Variants in SLC6A3 observed in about 807,000 individuals in gnomAD.
SLC6A3 encodes the protein sodium-dependent dopamine transporter.
A neutral mutation model predicts 70.4 loss-of-function variants in SLC6A3; 19 were observed. The observed-to-expected ratio is 0.27, with a 90% CI of 0.19 to 0.40. SLC6A3 has a LOEUF of 0.40. Among genes scored for constraint, SLC6A3 ranks in the 10% least tolerant of loss-of-function variants. The probability of loss-of-function intolerance (pLI) is 1.00; values close to 1 mark genes in which losing one functional copy is unlikely to be tolerated. For missense variants in SLC6A3, 613 were observed against 838.5 expected (o/e 0.73, Z 3.32); for synonymous variants, 368 against 356.6 (o/e 1.03, Z -0.36).
Position 1,422,000 on chromosome 5 carries a change from T to C in SLC6A3, c.668A>G (p.His223Arg). Residue 223 changes from histidine to arginine, a missense_variant, in exon 5 of 15, where the codon CAC becomes CGC. His to Arg is a conservative substitution (Grantham distance 29, BLOSUM62 0). Transcript: ENST00000270349. The surrounding 1 kb of genome is among the most constrained non-coding windows in gnomAD (Gnocchi z 7.2). ...GTCGATGCCATGGCTCTGGTGGAGG[T>C]GCAGCACGCCACGTCTGCAGAGGGG... ...AAEYFERGVL[H>R]LHQSHGIDDL... The C allele has an allele frequency of 6.2e-7, 1 of 1,612,152 alleles. No individual in the cohort carries two copies. The highest frequency in any genetic ancestry group is 1.1e-5 in the South Asian group (1 of 91,052).
chr5:1,414,923 T>G lies in SLC6A3; in HGVS notation c.1032-108A>C, dbSNP rs1756246820. ...TGTCTGGGGAAGGGGGCGGGAGGTC[T>G]TCGGAGGGGCTACTTTTCCCAGTGA... is the stretch of plus-strand genomic sequence containing the variant. On this transcript the variant is annotated intron_variant, in intron 7 of 14. Transcript: ENST00000270349. The G allele has an allele frequency of 7.0e-6, 10 of 1,422,644 alleles. No homozygotes were observed. The South Asian group carries it at 9.4e-5, about 13-fold the overall frequency. 88.1% of individuals were successfully genotyped at this position (1,422,644 alleles called of 1,614,324 possible). A position where few individuals can be genotyped will look rare whatever the true frequency, so the allele number is the denominator to read the frequency against.
chr5:1,431,998 G>T (rs995004649), intron 4 of SLC6A3, among the ~76,000 whole-genome samples: 3 of 152,224 alleles, frequency 2.0e-5, no homozygotes, highest in African/African-American at 7.2e-5. Flanking sequence ...CACCCAGAAA[G>T]TTATCTTTTC....
intron 4 of SLC6A3, among the ~76,000 whole-genome samples, chr5:1,427,633 C>G (rs1384855484): frequency 6.6e-6 from 1 of 152,050 alleles, no homozygotes; most frequent in Non-Finnish European, 1.5e-5. Context: ...TATATAATGA[C>G]ACATATAGTT....
Position 1,411,424 on chromosome 5 carries a change from C to T in SLC6A3, c.1157-69G>A, listed in dbSNP as rs1049930802. The T allele has an allele frequency of 2.4e-4, 281 of 1,182,604 alleles. 2 individuals carry two copies. Among genetic ancestry groups the T allele is most frequent in the Middle Eastern group, 2.1e-3 (8 of 3,900 alleles). 73.3% of individuals were successfully genotyped at this position (1,182,604 alleles called of 1,614,324 possible). ...CTCTCCCGCCCATCCTGCCCCACCC[C>T]GCCCCGAGAAGCATGGCCTGCCACA... On this transcript the variant is annotated intron_variant, in intron 8 of 14. Transcript: ENST00000270349. The surrounding 1 kb of genome is among the most constrained non-coding windows in gnomAD (Gnocchi z 6.5).
chr5:1,422,407 C>T (rs1756463460), intron 4 of SLC6A3, among the ~76,000 whole-genome samples: 1 of 146,610 alleles, frequency 6.8e-6, no homozygotes, highest in Non-Finnish European at 1.5e-5. Context: ...CCCACCGCTG[C>T]CCACGGTGCT....
In SLC6A3 at chr5:1,425,612, ATCT is replaced by A. The variant is rs560082427; in HGVS notation, c.654-3601_654-3599del. ...AGAGAACATAGGGTAAATTTTCACA[ATCT>A]TGGACTTGGCAATGGTTTCTTAGAT... is the stretch of plus-strand genomic sequence containing the variant. On this transcript the variant is annotated intron_variant, in intron 4 of 14. Transcript: ENST00000270349. Among the ~76,000 whole-genome samples, 14 of 152,354 alleles carry A rather than the reference ATCT, an allele frequency of 9.2e-5. No homozygotes were observed. In the South Asian group the frequency reaches 2.9e-3, roughly 32 times the overall value.
rs571297591 is a variant in SLC6A3 at position 1,406,767 on chromosome 5, T to C, written c.1499-479A>G. On this transcript the variant is annotated intron_variant, in intron 11 of 14. Transcript: ENST00000270349. This position sits in a 1 kb window ranked among gnomAD's most constrained non-coding sequence, Gnocchi z 8.8. ...ATCTTCAGAACTCCATCCTCCAAAATGAAATTCTGCCCTCATGAAACGCCA... is the reference window on the plus strand; with the variant it reads ...ATCTTCAGAACTCCATCCTCCAAAACGAAATTCTGCCCTCATGAAACGCCA... Among the ~76,000 whole-genome samples the C allele has an allele frequency of 2.0e-5, 3 of 149,314 alleles. No homozygotes were observed. In the East Asian group the frequency reaches 5.8e-4, roughly 29 times the overall value.
rs536362218 is a variant in SLC6A3, at chr5:1,393,047, C to G, written c.*1688G>C. The G allele has an allele frequency of 6.6e-6, 1 of 151,896 alleles. No individual in the cohort carries two copies. Among genetic ancestry groups the G allele is most frequent in the South Asian group, 2.1e-4 (1 of 4,802 alleles). The allele number at this position is 151,896 out of a possible 1,614,324, so 9.4% of individuals were successfully genotyped here. On this transcript the variant is annotated 3_prime_UTR_variant, in exon 15 of 15. Transcript: ENST00000270349. The stretch of plus-strand genomic sequence containing the variant: ...CAGCGGCCAGAAGGCGATGGGGAAG[C>G]CGTCCTCTGTGTCCCTCCCCAGAAG...
In SLC6A3 at chr5:1,409,816, T is replaced by C; in HGVS notation, c.1303A>G (p.Ile435Val). 6.2e-7 allele frequency: 1 copy of C among 1,613,344 alleles called. No homozygotes were observed. The highest frequency in any genetic ancestry group is 1.7e-5 in the Admixed American group (1 of 60,028). ...GGMESVITGL[I>V]DEFQLLHRHR... ...CTGTGCAGCAGCTGGAACTCATCGA[T>C]GAGCCCGGTGATCACTGACTCCATA... The change falls in exon 10 of 15, where the codon ATC becomes GTC. Residue 435 changes from isoleucine to valine, a missense_variant. Ile to Val is a conservative substitution (Grantham distance 29, BLOSUM62 3). Transcript: ENST00000270349.
chr5:1,439,479 T>A (rs533139309), intron 3 of SLC6A3, among the ~76,000 whole-genome samples: 1 of 152,312 alleles, frequency 6.6e-6, no homozygotes, highest in South Asian at 2.1e-4. Context: ...GGAAGAACCA[T>A]CACACCTGTC....
At position 1,392,876 on chromosome 5, in the gene SLC6A3, C is replaced by T. The variant is rs1349494328; in HGVS notation, c.*1859G>A. On this transcript the variant is annotated 3_prime_UTR_variant, in exon 15 of 15. Transcript: ENST00000270349. ...GATTGGTCAACAGACACGGACAACA[C>T]CTGGGTTGCTACACGGAGCCCCTCC... is the stretch of plus-strand genomic sequence containing the variant. 6.6e-6 allele frequency: 1 copy of T among 152,312 alleles called. No homozygotes were observed. Among genetic ancestry groups the T allele is most frequent in the African/African-American group, 2.4e-5 (1 of 41,452 alleles). The allele number at this position is 152,312 out of a possible 1,614,324, so 9.4% of individuals were successfully genotyped here.
At chr5:1,395,224 C>T (rs1755686539) in intron 14 of SLC6A3, among the ~76,000 whole-genome samples, 1 of 152,206 alleles carries the variant, frequency 6.6e-6, no homozygotes. Flanking sequence ...CTCCATCTTG[C>T]TCTCTGCGAC....
At chr5:1,425,958 C>T (rs1016488391) in intron 4 of SLC6A3, among the ~76,000 whole-genome samples, 4 of 152,138 alleles carry the variant, frequency 2.6e-5, no homozygotes, top group Non-Finnish European at 5.9e-5. Context: ...ATCAAAAATA[C>T]AATGACAGAC....
chr5:1,420,855 G>A, intron 5 of SLC6A3, 152 bp from the exon 6 acceptor site: 2 of 795,076 alleles, frequency 2.5e-6, no homozygotes, highest in Non-Finnish European at 4.3e-6. Context: ...CTCAGCAAAT[G>A]CTCCTTGGAG....
intron 3 of SLC6A3, 37 bp from the exon 4 acceptor site, chr5:1,432,735 TG>T: frequency 6.7e-7 from 1 of 1,488,280 alleles, no homozygotes. Flanking sequence ...CCCACGCAGG[TG>T]GAGCACAGAG....
At chr5:1,418,931 A>G (rs553744928) in intron 6 of SLC6A3, among the ~76,000 whole-genome samples, 1 of 149,072 alleles carries the variant, frequency 6.7e-6, no homozygotes, top group South Asian at 2.1e-4. Context: ...TCCATCATCC[A>G]TTCATCATCC....
At chr5:1,418,201 G>A (rs1021339065) in intron 6 of SLC6A3, among the ~76,000 whole-genome samples, 10 of 152,106 alleles carry the variant, frequency 6.6e-5, no homozygotes, top group Admixed American at 4.6e-4. Flanking sequence ...ACAGGGGAGC[G>A]CCTGCCTCCT....
chr5:1,414,421 C>CA (rs781377663), intron 8 of SLC6A3, among the ~76,000 whole-genome samples: 3,273 of 71,250 alleles, frequency 0.046, 19 homozygotes, highest in Non-Finnish European at 0.069. Flanking sequence ...AGGGGCAGGG[C>CA]GGAGAAGGCA....
rs1756894678 is a variant in SLC6A3 at position 1,438,521 on chromosome 5, T to C, written c.418+2838A>G. On this transcript the variant is annotated intron_variant, in intron 3 of 14. Coordinates refer to ENST00000270349, the MANE Select transcript of SLC6A3 (RefSeq NM_001044.5). The surrounding 1 kb of genome is among the most constrained non-coding windows in gnomAD (Gnocchi z 6.5). ...CTACTAGCCCAAGTTGAGTTGGTGC[T>C]CTGAAATTCTTAGAAATTGCTTCTT... is the stretch of plus-strand genomic sequence containing the variant. Among the ~76,000 whole-genome samples, 2 of 152,232 alleles carry C rather than the reference T, an allele frequency of 1.3e-5. No homozygotes were observed. The highest frequency in any genetic ancestry group is 4.8e-5 in the African/African-American group (2 of 41,454).
Sources: gnomAD v4.1 joint callset for allele counts (sites outside exome capture counted in the v4.1 genomes callset) on GRCh38, gnomAD v4.1.1 for gene constraint, Gnocchi (gnomAD v3.1) non-coding constraint, MANE v1.5 for transcripts, NCBI Gene and HGNC (gene_info 2026-07-23, HGNC 2026-07-21) for gene names.